Variants in IKZF2 observed in about 807,000 individuals in gnomAD.
The protein encoded by IKZF2 is IKAROS family zinc finger 2.
In IKZF2, 15 loss-of-function variants were observed where a neutral mutation model predicts 49.2. The ratio of observed to expected loss-of-function variants is 0.30; its 90% CI spans 0.20 to 0.47. The LOEUF is 0.47. Among genes scored for constraint, IKZF2 ranks in the 20% least tolerant of loss-of-function variants. IKZF2 has a pLI of 1.00. For missense variants in IKZF2, 567 were observed against 664.6 expected (o/e 0.85, Z 1.61); for synonymous variants, 227 against 221.4 (o/e 1.03, Z -0.23).
intron 4 of IKZF2, among the ~76,000 whole-genome samples, chr2:213,139,974 T>C (rs1373930307): frequency 6.6e-6 from 1 of 151,920 alleles, no homozygotes; most frequent in African/African-American, 2.4e-5. Flanking sequence ...ATCAATTCAT[T>C]TGGACCCTTG....
At chr2:213,013,971 T>C (rs1462867851) in intron 7 of IKZF2, 37 bp from the exon 8 acceptor site, 1 of 1,598,288 alleles carries the variant, frequency 6.3e-7, no homozygotes, top group Non-Finnish European at 8.6e-7. Context: ...TCTGATAATT[T>C]CTTCAACATT....
chr2:213,057,794 A>G (rs962661672), intron 4 of IKZF2, among the ~76,000 whole-genome samples: 5 of 152,164 alleles, frequency 3.3e-5, no homozygotes, highest in African/African-American at 1.2e-4. Flanking sequence ...AAGTATTCCA[A>G]CTCTAATCTA....
In IKZF2 at chr2:213,124,273, C is replaced by G. The variant is rs547981209; in HGVS notation, c.139+23435G>C. Reference sequence around the variant, plus strand: ...GCGCGCACACACACACACACACACACACACACACACACACACACACACACA... The same window carrying G: ...GCGCGCACACACACACACACACACAGACACACACACACACACACACACACA... On this transcript the variant is annotated intron_variant, in intron 4 of 8. Transcript: ENST00000434687. Among the ~76,000 whole-genome samples, 6 of 145,384 alleles carry G rather than the reference C, an allele frequency of 4.1e-5. No homozygotes were observed. The East Asian group carries it at 9.8e-4, about 24-fold the overall frequency.
intron 4 of IKZF2, among the ~76,000 whole-genome samples, chr2:213,106,218 T>C (rs1348880511): frequency 1.3e-5 from 2 of 149,704 alleles, no homozygotes; most frequent in African/African-American, 5.1e-5. Flanking sequence ...AAAATCAATC[T>C]TTTTTTAAAA....
chr2:213,128,804 C>CTTTTTTTT (rs1184422126), intron 4 of IKZF2, among the ~76,000 whole-genome samples: 26 of 113,202 alleles, frequency 2.3e-4, no homozygotes, highest in Non-Finnish European at 3.1e-4. Context: ...ATTTTTTTTT[C>CTTTTTTTT]TTTTTTTTTT....
At chr2:213,068,275 G>A (rs1351199891) in intron 4 of IKZF2, among the ~76,000 whole-genome samples, 1 of 152,088 alleles carries the variant, frequency 6.6e-6, no homozygotes, top group Non-Finnish European at 1.5e-5. Flanking sequence ...GGTCAGGTAA[G>A]TAGATCAAAA....
chr2:213,032,843 AG>A (rs1393303995), intron 6 of IKZF2, among the ~76,000 whole-genome samples: 8 of 152,192 alleles, frequency 5.3e-5, no homozygotes, highest in African/African-American at 1.4e-4. Context: ...TGGTTGTTGA[AG>A]GCTGGGATGG....
chr2:213,127,263 G>A (rs917563081), intron 4 of IKZF2, among the ~76,000 whole-genome samples: 2 of 152,132 alleles, frequency 1.3e-5, no homozygotes. Flanking sequence ...TGTGGAGAAG[G>A]GGTCAAGGGC....
chr2:213,123,523 G>C (rs2060124099), intron 4 of IKZF2, among the ~76,000 whole-genome samples: 1 of 152,150 alleles, frequency 6.6e-6, no homozygotes, highest in Non-Finnish European at 1.5e-5. Flanking sequence ...AATAGGTGCA[G>C]CACACCAACA....
At chr2:213,127,311 T>A (rs1314967072) in intron 4 of IKZF2, among the ~76,000 whole-genome samples, 1 of 152,190 alleles carries the variant, frequency 6.6e-6, no homozygotes, top group African/African-American at 2.4e-5. Flanking sequence ...GTTCTGACTT[T>A]ACATACTAAT....
chr2:213,055,378 A>T (rs1369668244), intron 5 of IKZF2, among the ~76,000 whole-genome samples: 2 of 152,062 alleles, frequency 1.3e-5, no homozygotes, highest in African/African-American at 4.8e-5. Flanking sequence ...AACCTTTTCT[A>T]AGACACTTAA....
intron 2 of IKZF2, among the ~76,000 whole-genome samples, chr2:213,149,472 A>AT (rs1428720476): frequency 1.3e-5 from 2 of 152,206 alleles, no homozygotes; most frequent in Non-Finnish European, 2.9e-5. Flanking sequence ...TCACATAATG[A>AT]AAAGATCGAT....
At chr2:213,035,776 A>G (rs570896040) in intron 6 of IKZF2, among the ~76,000 whole-genome samples, 1 of 152,330 alleles carries the variant, frequency 6.6e-6, no homozygotes, top group South Asian at 2.1e-4. Context: ...TGATTTTATT[A>G]TAAAAGCAAT....
chr2:213,083,649 AC>A (rs1382336336), intron 4 of IKZF2, among the ~76,000 whole-genome samples: 2 of 140,484 alleles, frequency 1.4e-5, no homozygotes, highest in Admixed American at 1.6e-4. Flanking sequence ...TGATCCGCCC[AC>A]CTCGGCCTCC....
intron 8 of IKZF2, among the ~76,000 whole-genome samples, chr2:213,012,494 G>T (rs1019696180): frequency 5.8e-4 from 88 of 151,838 alleles, no homozygotes; most frequent in African/African-American, 2.1e-3. Flanking sequence ...TAAGTAAACT[G>T]GCTCTTTATT....
intron 4 of IKZF2, among the ~76,000 whole-genome samples, chr2:213,076,902 C>CA (rs1025871558): frequency 3.3e-5 from 5 of 151,328 alleles, no homozygotes; most frequent in African/African-American, 4.9e-5. Flanking sequence ...ACTCCGTCTC[C>CA]AAAAAAAATA....
intron 4 of IKZF2, among the ~76,000 whole-genome samples, chr2:213,074,017 T>C (rs1227617868): frequency 6.6e-6 from 1 of 152,184 alleles, no homozygotes. Flanking sequence ...CATTATTTTG[T>C]TGCAAATATC....
intron 4 of IKZF2, among the ~76,000 whole-genome samples, chr2:213,070,982 T>C (rs540301840): frequency 6.6e-6 from 1 of 152,178 alleles, no homozygotes; most frequent in Non-Finnish European, 1.5e-5. Flanking sequence ...GTGCATTTAG[T>C]TGGGCGTCCT....
chr2:213,135,538 A>T (rs572084054), intron 4 of IKZF2, among the ~76,000 whole-genome samples: 1 of 152,090 alleles, frequency 6.6e-6, no homozygotes, highest in South Asian at 2.1e-4. Flanking sequence ...CTAAAAAAAA[A>T]TTGTTAAAAA....
Sources: allele counts gnomAD v4.1 joint callset (sites outside exome capture counted in the v4.1 genomes callset), GRCh38; gene constraint gnomAD v4.1.1; transcripts MANE v1.5; gene names NCBI Gene and HGNC (gene_info 2026-07-23, HGNC 2026-07-21).